The following SPAST variants were observed in gnomAD, a reference collection of about 807,000 sequenced individuals.
SPAST encodes spastic paraplegia 4 (autosomal dominant; spastin).
Under a neutral mutation model 76.6 loss-of-function variants are expected in SPAST, and 30 were observed. The ratio of observed to expected loss-of-function variants is 0.39; its 90% confidence interval spans 0.29 to 0.53. The LOEUF (loss-of-function observed/expected upper bound fraction) is 0.53. Among genes scored for constraint, SPAST ranks in the 20% least tolerant of loss-of-function variants. SPAST has a pLI of 0.68. For missense variants in SPAST, 717 were observed against 770.5 expected (o/e 0.93, Z 0.82); for synonymous variants, 305 against 281.0 (o/e 1.09, Z -0.86).
At chr2:32,069,550 T>C (rs914947465) in intron 1 of SPAST, among the ~76,000 whole-genome samples, 10 of 123,616 alleles carry the variant, frequency 8.1e-5, no homozygotes, top group Non-Finnish European at 1.6e-4. Context: ...ACATGACTTA[T>C]CTTTTTTTTT....
chr2:32,128,070 C>T, intron 8 of SPAST: 1 of 317,002 alleles, frequency 3.2e-6, no homozygotes, highest in Non-Finnish European at 6.1e-6. Flanking sequence ...TCTCGGCTCA[C>T]TACCATCTCT....
At chr2:32,117,717 A>T (rs1306371385) in intron 7 of SPAST, among the ~76,000 whole-genome samples, 1 of 151,930 alleles carries the variant, frequency 6.6e-6, no homozygotes, top group Non-Finnish European at 1.5e-5. Flanking sequence ...TTTTTAGTAG[A>T]GATAGGGTTT....
At chr2:32,148,741 G>T (rs1316862435) in intron 16 of SPAST, among the ~76,000 whole-genome samples, 3 of 151,928 alleles carry the variant, frequency 2.0e-5, no homozygotes, top group African/African-American at 7.3e-5. Flanking sequence ...AACCTGGGAA[G>T]TGGAGCTTGC....
chr2:32,071,718 TC>T (rs1415324880), intron 1 of SPAST, among the ~76,000 whole-genome samples: 2 of 152,208 alleles, frequency 1.3e-5, no homozygotes, highest in Non-Finnish European at 2.9e-5. Context: ...TGGCAATTGG[TC>T]AAAAGAGCTT....
At chr2:32,140,884 C>T (rs958767602) in intron 12 of SPAST, among the ~76,000 whole-genome samples, 1 of 146,620 alleles carries the variant, frequency 6.8e-6, no homozygotes. Flanking sequence ...TTCATTTTAT[C>T]TAGTTTATGT....
chr2:32,073,781 C>G (rs563963546), intron 1 of SPAST, among the ~76,000 whole-genome samples: 68 of 152,308 alleles, frequency 4.5e-4, no homozygotes, highest in Admixed American at 1.9e-3. Flanking sequence ...ACTGTCACAT[C>G]TCAGCAGCTC....
At position 32,075,000 on chromosome 2, in the gene SPAST, A is replaced by G. The variant is rs923682566; in HGVS notation, c.415+10754A>G. ...AATGAGAACTATTATTATAAAATCA[A>G]TAGTACTTTTAAGATTACAGCTAGA... On this transcript the variant is annotated intron_variant, in intron 1 of 16. Coordinates refer to ENST00000315285, the MANE Select transcript of SPAST (RefSeq NM_014946.4). 3.9e-5 allele frequency among the ~76,000 whole-genome samples: 6 copies of G among 152,262 alleles called. No homozygotes were observed. The South Asian group carries it at 6.2e-4, about 16-fold the overall frequency.
chr2:32,072,776 A>G (rs1000373065), intron 1 of SPAST, among the ~76,000 whole-genome samples: 2 of 152,208 alleles, frequency 1.3e-5, no homozygotes, highest in Non-Finnish European at 2.9e-5. Context: ...CAGAAGTGTC[A>G]GATTTGGTAA....
chr2:32,149,874 A>G (rs769421447), intron 16 of SPAST, among the ~76,000 whole-genome samples: 8 of 152,060 alleles, frequency 5.3e-5, no homozygotes, highest in Non-Finnish European at 1.0e-4. Context: ...GGACAGCTGT[A>G]TATTTGTAAC....
At chr2:32,085,669 CAG>C (rs1265300449) in intron 1 of SPAST, among the ~76,000 whole-genome samples, 2 of 152,082 alleles carry the variant, frequency 1.3e-5, no homozygotes, top group Non-Finnish European at 2.9e-5. Context: ...GGTGAAGAAA[CAG>C]AAGAATCGGG....
chr2:32,145,395 C>T (rs949734480), intron 15 of SPAST, among the ~76,000 whole-genome samples: 1 of 152,190 alleles, frequency 6.6e-6, no homozygotes, highest in African/African-American at 2.4e-5. Flanking sequence ...CCATGCCCAG[C>T]CTTAAAACCA....
intron 4 of SPAST, among the ~76,000 whole-genome samples, chr2:32,108,109 A>T (rs1344083554): frequency 1.3e-5 from 2 of 152,166 alleles, no homozygotes; most frequent in Non-Finnish European, 2.9e-5. Flanking sequence ...GCAGACAAAG[A>T]CTTCAAAGCA....
chr2:32,086,243 A>G (rs1350485139), intron 1 of SPAST, among the ~76,000 whole-genome samples: 5 of 151,940 alleles, frequency 3.3e-5, no homozygotes, highest in Non-Finnish European at 2.9e-5. Flanking sequence ...GGATTACTTG[A>G]GCCTAGGAGT....
chr2:32,146,980 T>C (rs537044546), intron 15 of SPAST, among the ~76,000 whole-genome samples: 1 of 152,168 alleles, frequency 6.6e-6, no homozygotes, highest in East Asian at 1.9e-4. Flanking sequence ...TTGTGAACTA[T>C]TGTTTTTGGG....
chr2:32,082,721 C>T (rs572359517), intron 1 of SPAST, among the ~76,000 whole-genome samples: 2 of 152,078 alleles, frequency 1.3e-5, no homozygotes, highest in East Asian at 3.9e-4. Flanking sequence ...AGATCTGTCC[C>T]TATGGTTTTA....
At chr2:32,114,403 C>CA (rs1275065306) in intron 4 of SPAST, among the ~76,000 whole-genome samples, 1 of 151,512 alleles carries the variant, frequency 6.6e-6, no homozygotes, top group Non-Finnish European at 1.5e-5. Flanking sequence ...CCACAGGTTT[C>CA]AAAAAAAGAG....
intron 3 of SPAST, among the ~76,000 whole-genome samples, chr2:32,093,477 G>A (rs192296301): frequency 3.3e-4 from 50 of 152,252 alleles, no homozygotes; most frequent in Non-Finnish European, 6.5e-4. Flanking sequence ...GTGAGACTTT[G>A]TCTCAAAACA....
chr2:32,098,805 A>G lies in SPAST; in HGVS notation c.596A>G (p.Gln199Arg), dbSNP rs1678013822. ...CTTCTCTGTTGCATAGAGAAGATGC[A>G]ACCAGTTTTGCCATTTTCCAAGTCA... Reference protein sequence around the residue: ...KDRLQLLEKMQPVLPFSKSQT... With the variant: ...KDRLQLLEKMRPVLPFSKSQT... Residue 199 changes from glutamine to arginine, a missense_variant, in exon 4 of 17, where the codon CAA (glutamine) becomes CGA (arginine). Gln to Arg is a conservative substitution (Grantham distance 43). Transcript: ENST00000315285. 6.2e-7 allele frequency: 1 copy of G among 1,612,252 alleles called. No homozygotes were observed. Among genetic ancestry groups the G allele is most frequent in the Non-Finnish European group, 8.5e-7 (1 of 1,178,604 alleles).
In SPAST at chr2:32,076,929, G is replaced by T. The variant is rs1307165106; in HGVS notation, c.416-10563G>T. ...CTCGTTGTGTCGCCCAGGCTAGAGT[G>T]CAGTGGCACAATCTCGGCTCACTGC... is the stretch of plus-strand genomic sequence containing the variant. On this transcript the variant is annotated intron_variant, in intron 1 of 16. Coordinates refer to ENST00000315285, the MANE Select transcript of SPAST (RefSeq NM_014946.4). Among the ~76,000 whole-genome samples, 5 of 151,980 alleles carry T rather than the reference G, an allele frequency of 3.3e-5. No homozygotes were observed. In the East Asian group the frequency reaches 9.7e-4, roughly 29 times the overall value.
Sources: gnomAD v4.1 joint callset for allele counts (sites outside exome capture counted in the v4.1 genomes callset) on GRCh38, gnomAD v4.1.1 for gene constraint, MANE v1.5 for transcripts, NCBI Gene and HGNC (gene_info 2026-07-23, HGNC 2026-07-21) for gene names.